Variants in MASP1 observed in about 807,000 individuals in gnomAD.
MASP1 encodes the protein MBL associated serine protease 1, also known as mannan-binding lectin serine protease 1.
MASP1 carries 59 observed loss-of-function variants against 77.1 expected under a neutral mutation model. The observed-to-expected ratio is 0.77, with a 90% CI of 0.62 to 0.95. The LOEUF (loss-of-function observed/expected upper bound fraction) is 0.95. Ranked by LOEUF, MASP1 falls within the 40% of genes least tolerant of loss-of-function variation. The pLI, the probability that MASP1 is intolerant of heterozygous loss-of-function variation, is 0.00. For missense variants in MASP1, 885 were observed against 912.9 expected (o/e 0.97, Z 0.39); for synonymous variants, 362 against 354.5 (o/e 1.02, Z -0.24).
In MASP1 at chr3:187,236,294, C is replaced by G. The variant is rs753932266; in HGVS notation, c.1577G>C (p.Arg526Pro). The change falls in exon 11 of 11, where the codon CGA (arginine) becomes CCA (proline). Residue 526 changes from arginine (R) to proline (P), a missense_variant. Coordinates refer to ENST00000296280, the MANE Select transcript of MASP1 (RefSeq NM_139125.4). The part of the protein sequence containing the change: ...VTVYLGLHDV[R>P]DKSGAVNSSA... Reference sequence around the variant, plus strand: ...GCTGTTGACTGCCCCCGATTTGTCTCGCACATCATGCAAGCCCAGGTAGAC... The same window carrying G: ...GCTGTTGACTGCCCCCGATTTGTCTGGCACATCATGCAAGCCCAGGTAGAC... 1 of 1,614,236 alleles carries G rather than the reference C, an allele frequency of 6.2e-7. No homozygotes were observed. Among genetic ancestry groups the G allele is most frequent in the Non-Finnish European group, 8.5e-7 (1 of 1,180,046 alleles).
At chr3:187,233,977 G>T, downstream of MASP1, 1 of 696,540 alleles carries the variant, frequency 1.4e-6, no homozygotes, top group Non-Finnish European at 2.0e-6. Context: ...TACTTTTTCT[G>T]CAACAAGGGA....
chr3:187,249,520 T>C (rs1714382447), intron 8 of MASP1, among the ~76,000 whole-genome samples: 1 of 152,140 alleles, frequency 6.6e-6, no homozygotes, highest in South Asian at 2.1e-4. Flanking sequence ...CACCTGGGTG[T>C]TGAGGGGTGG....
Position 187,268,549 on chromosome 3 carries a change from TAGAAA to T in MASP1, c.238-5834_238-5830del, listed in dbSNP as rs10663602. Among the ~76,000 whole-genome samples the T allele has an allele frequency of 9.5e-4, 130 of 137,432 alleles. 1 individual carries two copies. In the Middle Eastern group the frequency reaches 0.011, roughly 11 times the overall value. 90.2% of individuals were successfully genotyped at this position (137,432 alleles called of 152,430 possible). On this transcript the variant is annotated intron_variant, in intron 2 of 10. Transcript: ENST00000296280. ...AGAAAGAAAAGAAAAGAAAAGAAAA[TAGAAA>T]AGAAAAGAAAAGAAAAGAAAGGAAG...
At chr3:187,271,208 G>A (rs1453398966) in intron 2 of MASP1, among the ~76,000 whole-genome samples, 1 of 152,128 alleles carries the variant, frequency 6.6e-6, no homozygotes, top group African/African-American at 2.4e-5. Context: ...TTCACTATCA[G>A]CTGCAGGGAT....
intron 7 of MASP1, chr3:187,251,241 T>G (rs1016005530): frequency 4.5e-6 from 1 of 221,512 alleles, no homozygotes; most frequent in Non-Finnish European, 9.1e-6. Context: ...ATTACAGGCA[T>G]GAGCCACCAT....
At chr3:187,245,336 C>A (rs559032684) in intron 8 of MASP1, among the ~76,000 whole-genome samples, 1 of 152,066 alleles carries the variant, frequency 6.6e-6, no homozygotes, top group East Asian at 1.9e-4. Flanking sequence ...TCCACCTGAC[C>A]GCCCAGTTCA....
intron 14 of MASP1, among the ~76,000 whole-genome samples, chr3:187,222,885 T>A (rs147415793): frequency 1.1e-4 from 16 of 152,228 alleles, no homozygotes; most frequent in African/African-American, 3.4e-4. Context: ...GCTAAGCCTT[T>A]AATAAGCTAC....
chr3:187,230,885 A>G (rs11923275), downstream of MASP1, among the ~76,000 whole-genome samples: 28,856 of 152,196 alleles, frequency 0.19, 2,860 homozygotes, highest in Middle Eastern at 0.23. Flanking sequence ...ATAAACTTTT[A>G]ATTATGTGGC....
At chr3:187,290,254 C>T (rs912236446) in intron 1 of MASP1, among the ~76,000 whole-genome samples, 3 of 152,044 alleles carry the variant, frequency 2.0e-5, no homozygotes, top group Non-Finnish European at 4.4e-5. Context: ...ATATGGTGGT[C>T]AGGAGAGAGA....
chr3:187,246,009 C>T (rs1280491677), intron 8 of MASP1, among the ~76,000 whole-genome samples: 1 of 152,152 alleles, frequency 6.6e-6, no homozygotes, highest in Non-Finnish European at 1.5e-5. Context: ...CATCTTCTTT[C>T]CTCCCCTTGG....
intron 4 of MASP1, among the ~76,000 whole-genome samples, chr3:187,260,040 C>T (rs998515925): frequency 1.3e-5 from 2 of 152,170 alleles, no homozygotes; most frequent in South Asian, 2.1e-4. Flanking sequence ...TCTGATTGTG[C>T]TATGTCCATA....
Position 187,251,723 on chromosome 3 carries a change from C to T in MASP1, c.922G>A (p.Val308Ile), listed in dbSNP as rs1714621185. 1 of 1,613,980 alleles carries T rather than the reference C, an allele frequency of 6.2e-7. No homozygotes were observed. The highest frequency in any genetic ancestry group is 1.3e-5 in the African/African-American group (1 of 74,894). ...GNECPELQPP[V>I]HGKIEPSQAK... ...TGGGAGGGCTCGATTTTCCCATGGA[C>T]AGGAGGCTGTAGCTCTGGGCACTCA... Residue 308 changes from valine (V) to isoleucine (I), a missense_variant, in exon 7 of 11, where the codon GTC (valine) becomes ATC (isoleucine). Val to Ile is a conservative substitution (Grantham distance 29). Coordinates refer to ENST00000296280, the MANE Select transcript of MASP1 (RefSeq NM_139125.4).
intron 5 of MASP1, among the ~76,000 whole-genome samples, chr3:187,254,470 C>T (rs1381263010): frequency 2.0e-5 from 3 of 152,086 alleles, no homozygotes; most frequent in Non-Finnish European, 4.4e-5. Flanking sequence ...GTGTTAGGAA[C>T]AGGCAGGAAT....
intron 2 of MASP1, chr3:187,276,701 A>C (rs568254701): frequency 6.6e-6 from 1 of 152,352 alleles, no homozygotes; most frequent in South Asian, 2.1e-4. Context: ...ACTTTCCTGA[A>C]GCAAGCTCAT....
chr3:187,261,002 T>G, intron 3 of MASP1, 130 bp from the exon 4 acceptor site: 3 of 1,074,246 alleles, frequency 2.8e-6, no homozygotes, highest in Non-Finnish European at 2.9e-6. Context: ...TTTAATCCTC[T>G]CATACAGCCC....
At chr3:187,290,770 T>TG (rs1718252848) in intron 1 of MASP1, among the ~76,000 whole-genome samples, 1 of 149,794 alleles carries the variant, frequency 6.7e-6, no homozygotes, top group Non-Finnish European at 1.5e-5. Context: ...CTGCAGAGCA[T>TG]TGTGTGTGTG....
chr3:187,267,142 C>T (rs1716105676), intron 2 of MASP1, among the ~76,000 whole-genome samples: 2 of 152,184 alleles, frequency 1.3e-5, no homozygotes, highest in African/African-American at 4.8e-5. Context: ...GTGAATGAAT[C>T]TCATGATAAA....
intron 11 of MASP1, among the ~76,000 whole-genome samples, chr3:187,227,961 C>T (rs1055398296): frequency 1.1e-4 from 16 of 152,146 alleles, no homozygotes; most frequent in African/African-American, 3.9e-4. Context: ...CTATCCTTCC[C>T]CTGCTCTTTA....
chr3:187,262,752 A>C, intron 2 of MASP1, 32 bp from the exon 3 acceptor site: 1 of 1,603,404 alleles, frequency 6.2e-7, no homozygotes. Context: ...GAACAAGATG[A>C]GCAGTTTCCC....
Sources: gnomAD v4.1 joint callset for allele counts (sites outside exome capture counted in the v4.1 genomes callset) on GRCh38, gnomAD v4.1.1 for gene constraint, MANE v1.5 for transcripts, NCBI Gene and HGNC (gene_info 2026-07-23, HGNC 2026-07-21) for gene names.